C6orf62: variants seen among roughly 807,000 people sequenced by gnomAD.
The protein encoded by C6orf62 is uncharacterized protein C6orf62.
C6orf62 carries 16 observed loss-of-function variants against 26.8 expected under a neutral mutation model. That is an observed-to-expected ratio of 0.60 (90% CI 0.40 to 0.91). The LOEUF (loss-of-function observed/expected upper bound fraction) is 0.91. Ranked by LOEUF, C6orf62 falls within the 40% of genes least tolerant of loss-of-function variation. C6orf62 has a pLI of 0.00. For synonymous variants in C6orf62, 112 were observed against 91.5 expected (o/e 1.22, Z -1.28); for missense variants, 192 against 271.4 (o/e 0.71, Z 2.06).
At chr6:24,707,415 T>C (rs1204397362) in intron 4 of C6orf62, among the ~76,000 whole-genome samples, 11 of 151,652 alleles carry the variant, frequency 7.3e-5, no homozygotes, top group Admixed American at 7.2e-4. Flanking sequence ...CAGGAGTGTG[T>C]TGGTGCCATG....
At chr6:24,716,121 C>T (rs1175644717) in intron 2 of C6orf62, 27 bp downstream of exon 2, 1 of 1,597,252 alleles carries the variant, frequency 6.3e-7, no homozygotes, top group East Asian at 2.2e-5. Flanking sequence ...GAAACTTTAT[C>T]AAGTCAAGAC....
In C6orf62 at chr6:24,714,296, A is replaced by G. The variant is rs201672464; in HGVS notation, c.429+22T>C. Reference sequence around the variant, plus strand: ...GTAGTTTTCACATATTGAAATACTCATCACACTTTAGACCAAAATACCTGA... The same window carrying G: ...GTAGTTTTCACATATTGAAATACTCGTCACACTTTAGACCAAAATACCTGA... On this transcript the variant is annotated intron_variant, in intron 3 of 4. Transcript: ENST00000378119. 2.1e-3 allele frequency: 3,397 copies of G among 1,585,968 alleles called. 6 individuals are homozygous for G. The highest frequency in any genetic ancestry group is 2.6e-3 in the Non-Finnish European group (3,092 of 1,168,982).
intron 4 of C6orf62, among the ~76,000 whole-genome samples, chr6:24,708,433 G>A (rs1164370800): frequency 6.6e-6 from 1 of 152,076 alleles, no homozygotes; most frequent in African/African-American, 2.4e-5. Flanking sequence ...AGCCTCCTAA[G>A]CTCAAGCAAT....
In C6orf62 at chr6:24,718,743, A is replaced by AT; in HGVS notation, c.-76_-75insA. The AT allele has an allele frequency of 6.3e-7, 1 of 1,583,346 alleles. No homozygotes were observed. Among genetic ancestry groups the AT allele is most frequent in the East Asian group, 2.2e-5 (1 of 44,702 alleles). The stretch of plus-strand genomic sequence containing the variant: ...GGGCACTTTTTCTTAAGACTCAAGT[A>AT]CAACAGAAACAAGTCATTTTTTTTC... On this transcript the variant is annotated 5_prime_UTR_variant, in exon 1 of 5. An upstream open reading frame in the 5' UTR gains an earlier in-frame stop. Transcript: ENST00000378119.
In C6orf62 at chr6:24,714,387, A is replaced by G. The variant is rs374747293; in HGVS notation, c.360T>C (p.Asp120=). ...ACAGGAGACAGACGATTTTTTCAAT[A>G]TCATTCCGAGGCCAAAGAATGAAAT... ...EMDFILWPRN[D]IEKIVCLLFS... is the part of the protein sequence containing the mutation. The change falls in exon 3 of 5, where the codon GAT becomes GAC. Residue 120 remains aspartate (D), a synonymous_variant. Coordinates refer to ENST00000378119, the MANE Select transcript of C6orf62 (RefSeq NM_030939.5). 49 of 1,612,072 alleles carry G rather than the reference A, an allele frequency of 3.0e-5. No homozygotes were observed. The highest frequency in any genetic ancestry group is 3.9e-5 in the Non-Finnish European group (46 of 1,178,604).
At position 24,706,157 on chromosome 6, in the gene C6orf62, G is replaced by T. The variant is rs374287394; in HGVS notation, c.670C>A (p.Arg224Ser). 3.7e-5 allele frequency: 60 copies of T among 1,614,076 alleles called. No individual in the cohort carries two copies. The highest frequency in any genetic ancestry group is 4.7e-5 in the Non-Finnish European group (56 of 1,180,040). The change falls in exon 5 of 5, where the codon CGT (arginine) becomes AGT (serine). Residue 224 changes from arginine (R) to serine (S), a missense_variant. By Grantham distance (110) the Arg-to-Ser change is moderately radical. Transcript: ENST00000378119. ...GTACTCTACTCTGGCATATAAGGAC[G>T]GAGGTGATCCTCTATGGTGCCAACT... ...WAVGTIEDHL[R>S]PYMPE
chr6:24,720,324 G>C (rs1028387361), upstream of C6orf62: 1 of 1,285,070 alleles, frequency 7.8e-7, no homozygotes, highest in African/African-American at 1.6e-5. Flanking sequence ...GCACGGGCAG[G>C]AGCCATGTCA....
upstream of C6orf62, chr6:24,720,278 G>A: frequency 7.7e-7 from 1 of 1,295,674 alleles, no homozygotes; most frequent in Non-Finnish European, 9.7e-7. Flanking sequence ...GGTGGCGGCG[G>A]CGGAAGAGGC....
chr6:24,718,338 C>CAAAGA (rs1779277322), intron 1 of C6orf62, among the ~76,000 whole-genome samples: 1 of 152,146 alleles, frequency 6.6e-6, no homozygotes, highest in South Asian at 2.1e-4. Flanking sequence ...ATTTCCAAAC[C>CAAAGA]AAAGAACGCT....
At chr6:24,710,067 T>A in intron 3 of C6orf62, 1 of 982,930 alleles carries the variant, frequency 1.0e-6, no homozygotes, top group Non-Finnish European at 1.2e-6. Context: ...TGTACTTCCA[T>A]ACAATTCAAA....
intron 2 of C6orf62, among the ~76,000 whole-genome samples, 199 bp downstream of exon 2, chr6:24,715,949 A>C (rs1184954806): frequency 6.6e-6 from 1 of 152,052 alleles, no homozygotes; most frequent in African/African-American, 2.4e-5. Context: ...GTCTGGCGTA[A>C]AAAAACGTGT....
chr6:24,709,044 T>C (rs1445779384), intron 3 of C6orf62, 133 bp from the exon 4 acceptor site: 2 of 1,461,368 alleles, frequency 1.4e-6, no homozygotes, highest in Non-Finnish European at 1.8e-6. Flanking sequence ...AAAACAAATT[T>C]TGGCAAACCC....
intron 3 of C6orf62, among the ~76,000 whole-genome samples, chr6:24,711,994 T>C (rs1779128807): frequency 6.6e-6 from 1 of 152,218 alleles, no homozygotes; most frequent in Admixed American, 6.5e-5. Flanking sequence ...TTTTATCCTA[T>C]TTAACTGCCT....
At chr6:24,718,283 A>G (rs1779274691) in intron 1 of C6orf62, among the ~76,000 whole-genome samples, 2 of 152,162 alleles carry the variant, frequency 1.3e-5, no homozygotes, top group South Asian at 4.1e-4. Context: ...TGCCCACCCC[A>G]TGTCAACTCA....
At chr6:24,714,894 C>T (rs1441828225) in intron 2 of C6orf62, among the ~76,000 whole-genome samples, 1 of 152,192 alleles carries the variant, frequency 6.6e-6, no homozygotes, top group Non-Finnish European at 1.5e-5. Flanking sequence ...GCTGGGATTA[C>T]AGGCTAAGTC....
At position 24,705,545 on chromosome 6, in the gene C6orf62, T is replaced by C. The variant is rs75993757; in HGVS notation, c.*592A>G. 6,733 of 152,652 alleles carry C rather than the reference T, an allele frequency of 0.044. 414 individuals carry two copies. The highest frequency in any genetic ancestry group is 0.14 in the African/African-American group (5,645 of 41,512). The allele number at this position is 152,652 out of a possible 1,614,324, so 9.5% of individuals were successfully genotyped here. ...ATACATGAGTACCAGGAAACAAACA[T>C]GGCCCAGTAAAATATGAGGCAAAAA... On this transcript the variant is annotated 3_prime_UTR_variant, in exon 5 of 5. Transcript: ENST00000378119.
At position 24,718,772 on chromosome 6, in the gene C6orf62, C is replaced by T; in HGVS notation, c.-104G>A. ...CAGAAACAAGTCATTTTTTTTCCTGCTAATATGATTGATTAGCGAAAATCA... is the reference window on the plus strand; with the variant it reads ...CAGAAACAAGTCATTTTTTTTCCTGTTAATATGATTGATTAGCGAAAATCA... On this transcript the variant is annotated 5_prime_UTR_variant, in exon 1 of 5. Transcript: ENST00000378119. 6.4e-7 allele frequency: 1 copy of T among 1,568,840 alleles called. No individual in the cohort carries two copies. Among genetic ancestry groups the T allele is most frequent in the Non-Finnish European group, 8.6e-7 (1 of 1,167,206 alleles).
chr6:24,714,801 T>C (rs1235276251), intron 2 of C6orf62, among the ~76,000 whole-genome samples: 1 of 152,152 alleles, frequency 6.6e-6, no homozygotes, highest in Non-Finnish European at 1.5e-5. Flanking sequence ...GTATTTTTAA[T>C]AGAGACGGGG....
chr6:24,706,071 G>GT lies in C6orf62; in HGVS notation c.*65dup. The GT allele has an allele frequency of 3.8e-6, 6 of 1,587,252 alleles. No individual in the cohort carries two copies. The highest frequency in any genetic ancestry group is 4.3e-6 in the Non-Finnish European group (5 of 1,164,064). On this transcript the variant is annotated 3_prime_UTR_variant, in exon 5 of 5. Coordinates refer to ENST00000378119, the MANE Select transcript of C6orf62 (RefSeq NM_030939.5). ...CTTTAAACTCTGAAAGAATAAAGTG[G>GT]TAAGAAAACAAGAAAAAAAACTGCT... is the stretch of plus-strand genomic sequence containing the variant.
Sources: allele counts gnomAD v4.1 joint callset (sites outside exome capture counted in the v4.1 genomes callset), GRCh38; gene constraint gnomAD v4.1.1; transcripts MANE v1.5; gene names NCBI Gene and HGNC (gene_info 2026-07-23, HGNC 2026-07-21).